The following TLK2 variants were observed in gnomAD, a reference collection of about 807,000 sequenced individuals.
The protein encoded by TLK2 is serine/threonine-protein kinase tousled-like 2.
In TLK2, 6 loss-of-function variants were observed where a neutral mutation model predicts 117.3. The ratio of observed to expected loss-of-function variants is 0.05; its 90% CI spans 0.03 to 0.10. TLK2 has a LOEUF of 0.10. TLK2 is among the 10% of genes least tolerant of loss of function. The probability of loss-of-function intolerance (pLI) is 1.00; values close to 1 mark genes in which losing one functional copy is unlikely to be tolerated. For missense variants in TLK2, 299 were observed against 901.2 expected (o/e 0.33, Z 8.56); for synonymous variants, 257 against 316.7 (o/e 0.81, Z 2.00).
At chr17:62,544,787 A>G (rs1327467838) in intron 7 of TLK2, among the ~76,000 whole-genome samples, 2 of 152,232 alleles carry the variant, frequency 1.3e-5, no homozygotes, top group African/African-American at 4.8e-5. Flanking sequence ...CCGTAGATCA[A>G]TTTGAGAAGT....
At chr17:62,560,974 C>T (rs1266202091) in intron 10 of TLK2, among the ~76,000 whole-genome samples, 1 of 152,078 alleles carries the variant, frequency 6.6e-6, no homozygotes, top group Non-Finnish European at 1.5e-5. Context: ...CTGTGCCTCC[C>T]CACTCCCCAC....
intron 9 of TLK2, among the ~76,000 whole-genome samples, chr17:62,558,077 T>C (rs1014168961): frequency 3.3e-5 from 5 of 152,052 alleles, no homozygotes; most frequent in African/African-American, 1.2e-4. Flanking sequence ...GTATATTCTT[T>C]CAGACGTCAT....
chr17:62,546,819 C>A (rs1331086500), intron 7 of TLK2, among the ~76,000 whole-genome samples: 1 of 152,046 alleles, frequency 6.6e-6, no homozygotes, highest in Non-Finnish European at 1.5e-5. Flanking sequence ...CTCGGCCTCC[C>A]AAAGTGCTGG....
At chr17:62,490,829 A>G (rs1025213001) in intron 2 of TLK2, among the ~76,000 whole-genome samples, 4 of 152,224 alleles carry the variant, frequency 2.6e-5, no homozygotes, top group African/African-American at 9.6e-5. Context: ...GGCATGAGCC[A>G]CCATGCCTGG....
intron 6 of TLK2, among the ~76,000 whole-genome samples, chr17:62,531,729 G>A (rs1208524410): frequency 6.6e-6 from 1 of 152,076 alleles, no homozygotes; most frequent in Admixed American, 6.5e-5. Context: ...TACCACTTTA[G>A]TGAATTTATG....
At position 62,525,090 on chromosome 17, in the gene TLK2, T is replaced by C. The variant is rs372031410; in HGVS notation, c.363+759T>C. Among the ~76,000 whole-genome samples the C allele has an allele frequency of 6.6e-5, 10 of 152,344 alleles. No individual in the cohort carries two copies. In the East Asian group the frequency reaches 7.7e-4, roughly 12 times the overall value. On this transcript the variant is annotated intron_variant, in intron 6 of 21. Transcript: ENST00000346027. ...CCAGTGTCTTCGCATTATTTGTTGA[T>C]ACTGTGTAAGACCTCTTACTCAAGA...
chr17:62,609,707 T>C (rs1411601402), intron 21 of TLK2, among the ~76,000 whole-genome samples: 3 of 151,760 alleles, frequency 2.0e-5, no homozygotes, highest in Non-Finnish European at 4.4e-5. Context: ...CTGGTTAACC[T>C]AATTTTGGTG....
chr17:62,573,349 A>C lies in TLK2; in HGVS notation c.1103A>C (p.Asn368Thr). The C allele has an allele frequency of 6.2e-7, 1 of 1,614,104 alleles. No homozygotes were observed. The highest frequency in any genetic ancestry group is 8.5e-7 in the Non-Finnish European group (1 of 1,179,974). ...NEQKQRKSKT[N>T]GAENETLTLA... ...CAGAAACAGCGGAAAAGCAAGACCA[A>C]TGGAGCTGAAAATGAAACGTATGTT... The change falls in exon 12 of 22, where the codon AAT becomes ACT. Residue 368 changes from asparagine to threonine, a missense_variant. Transcript: ENST00000346027.
intron 6 of TLK2, 147 bp from the exon 7 acceptor site, chr17:62,536,023 G>A: frequency 3.5e-6 from 3 of 857,888 alleles, no homozygotes; most frequent in Non-Finnish European, 5.3e-6. Flanking sequence ...GATAATGTTG[G>A]TATGCTCTCC....
chr17:62,520,298 T>G (rs2075945764), intron 2 of TLK2, among the ~76,000 whole-genome samples: 1 of 152,276 alleles, frequency 6.6e-6, no homozygotes, highest in East Asian at 1.9e-4. Context: ...CCCCTGCCTC[T>G]GAGAGTACTT....
Position 62,520,775 on chromosome 17 carries a change from A to T in TLK2, c.84A>T (p.Gly28=), listed in dbSNP as rs746630051. The T allele has an allele frequency of 1.2e-6, 2 of 1,610,700 alleles. No homozygotes were observed. The highest frequency in any genetic ancestry group is 2.7e-5 in the African/African-American group (2 of 74,436). ...ARFTGVGVSK[G]PLNSESSNQS... ...TTTATGATTTTTTTTTCTTTCAGGG[A>T]CCACTTAATAGTGAGTCTTCCAACC... The change falls in exon 3 of 22, where the codon GGA becomes GGT. Residue 28 remains glycine (G), a splice_region_variant and synonymous_variant. Transcript: ENST00000346027.
At chr17:62,503,854 G>A (rs967392821) in intron 2 of TLK2, among the ~76,000 whole-genome samples, 1 of 151,164 alleles carries the variant, frequency 6.6e-6, no homozygotes, top group Non-Finnish European at 1.5e-5. Flanking sequence ...TCAGCCTCCC[G>A]AGTAGCTGGG....
At chr17:62,552,732 C>G (rs1024911426) in intron 8 of TLK2, among the ~76,000 whole-genome samples, 1 of 149,720 alleles carries the variant, frequency 6.7e-6, no homozygotes, top group African/African-American at 2.5e-5. Flanking sequence ...CCTCTAAGTT[C>G]AGATTCTGGC....
intron 2 of TLK2, among the ~76,000 whole-genome samples, chr17:62,503,894 A>ATT (rs113649211): frequency 7.0e-6 from 1 of 142,722 alleles, no homozygotes; most frequent in African/African-American, 2.6e-5. Context: ...ACCCCAGCTA[A>ATT]TTTTTTTTTT....
chr17:62,603,413 G>A (rs1319994014), intron 19 of TLK2, among the ~76,000 whole-genome samples: 1 of 152,188 alleles, frequency 6.6e-6, no homozygotes, highest in East Asian at 1.9e-4. Flanking sequence ...TTGTGGGCTA[G>A]TGTTCCTGTC....
At chr17:62,474,612 C>T (rs2071002851), upstream of TLK2, among the ~76,000 whole-genome samples, 1 of 149,634 alleles carries the variant, frequency 6.7e-6, no homozygotes, top group African/African-American at 2.5e-5. Flanking sequence ...TGGGTTTCAC[C>T]TTAGCCAGGA....
chr17:62,489,713 C>A (rs2072901423), intron 2 of TLK2, among the ~76,000 whole-genome samples: 1 of 152,164 alleles, frequency 6.6e-6, no homozygotes, highest in Admixed American at 6.5e-5. Context: ...CCATATACTT[C>A]CTTACCCTAG....
At chr17:62,601,878 C>G (rs958761861) in intron 18 of TLK2, among the ~76,000 whole-genome samples, 164 bp from the exon 19 acceptor site, 3 of 152,212 alleles carry the variant, frequency 2.0e-5, no homozygotes, top group African/African-American at 4.8e-5. Context: ...ATGCTGAGGA[C>G]TCTCCCTGAG....
At chr17:62,550,282 C>T (rs1192343749) in intron 7 of TLK2, 1 of 152,234 alleles carries the variant, frequency 6.6e-6, no homozygotes, top group Non-Finnish European at 1.5e-5. Context: ...TGCTCAGCCT[C>T]AAATCATAAA....
Sources: gnomAD v4.1 joint callset for allele counts (sites outside exome capture counted in the v4.1 genomes callset) on GRCh38, gnomAD v4.1.1 for gene constraint, MANE v1.5 for transcripts, NCBI Gene and HGNC (gene_info 2026-07-23, HGNC 2026-07-21) for gene names.